The following EFTUD2 variants were observed in gnomAD, a reference collection of about 807,000 sequenced individuals.
EFTUD2 encodes the protein 116 kDa U5 small nuclear ribonucleoprotein component.
In EFTUD2, 9 loss-of-function variants were observed where a neutral mutation model predicts 114.3. The observed-to-expected ratio is 0.08, with a 90% CI of 0.05 to 0.14. EFTUD2 has a LOEUF of 0.14. EFTUD2 is among the 10% of genes least tolerant of loss of function. The pLI is 1.00. For synonymous variants in EFTUD2, 449 were observed against 462.3 expected (o/e 0.97, Z 0.37); for missense variants, 765 against 1,241.2 (o/e 0.62, Z 5.76).
chr17:44,868,214 G>C (rs1476183438), intron 12 of EFTUD2, 73 bp downstream of exon 12: 12 of 1,340,892 alleles, frequency 8.9e-6, no homozygotes, highest in Non-Finnish European at 1.2e-5. Flanking sequence ...TTTGAACTCA[G>C]AGAATTTCAC....
Position 44,862,771 on chromosome 17 carries a change from C to T in EFTUD2, c.1549G>A (p.Glu517Lys). 6.2e-7 allele frequency: 1 copy of T among 1,614,150 alleles called. No homozygotes were observed. Among genetic ancestry groups the T allele is most frequent in the Non-Finnish European group, 8.5e-7 (1 of 1,180,018 alleles). ...VKVLGENYTL[E>K]DEEDSQICTV... ...CATATCTGGGAGTCTTCCTCATCCT[C>T]CAGGGTGTAGTTCTCCCCCAGTACC... The change falls in exon 16 of 28, where the codon GAG becomes AAG. Residue 517 changes from glutamate to lysine, a missense_variant. Physicochemically the swap from Glu to Lys is moderately conservative, Grantham distance 56. This residue lies in a region of EFTUD2 where 149 missense variants were observed against 245.1 expected (regional missense o/e 0.61). Coordinates refer to ENST00000426333, the MANE Select transcript of EFTUD2 (RefSeq NM_004247.4).
rs1567739127 is a variant in EFTUD2, at chr17:44,867,901, A to C, written c.1059-4T>G. 3.8e-6 allele frequency: 6 copies of C among 1,588,504 alleles called. No individual in the cohort carries two copies. The highest frequency in any genetic ancestry group is 5.1e-6 in the Non-Finnish European group (6 of 1,166,250). On this transcript the variant is annotated splice_region_variant and splice_polypyrimidine_tract_variant and intron_variant, in intron 12 of 27. Coordinates refer to ENST00000426333, the MANE Select transcript of EFTUD2 (RefSeq NM_004247.4). Reference sequence around the variant, plus strand: ...GGCCTTTTTGGTGAACTTTCGCCTAAAAGGAAAAATAAGTTCTGAGTGACC... The same window carrying C: ...GGCCTTTTTGGTGAACTTTCGCCTACAAGGAAAAATAAGTTCTGAGTGACC...
rs1317028654 is a variant in EFTUD2, at chr17:44,876,030, T to C, written c.773A>G (p.Asn258Ser). 3.1e-6 allele frequency: 5 copies of C among 1,613,920 alleles called. No individual in the cohort carries two copies. Among genetic ancestry groups the C allele is most frequent in the Middle Eastern group, 3.3e-4 (2 of 6,050 alleles). ...CTCCAGGATCAGCCGGTCAATCTTGTTGATGCACACAGTGACTGCCAGCCT... is the reference window on the plus strand; with the variant it reads ...CTCCAGGATCAGCCGGTCAATCTTGCTGATGCACACAGTGACTGCCAGCCT... ...QERLAVTVCI[N>S]KIDRLILELK... The change falls in exon 10 of 28, where the codon AAC (asparagine) becomes AGC (serine). Residue 258 changes from asparagine (N) to serine (S), a missense_variant. Coordinates refer to ENST00000426333, the MANE Select transcript of EFTUD2 (RefSeq NM_004247.4).
chr17:44,857,026 A>T (rs775468874), intron 20 of EFTUD2, 49 bp downstream of exon 20: 2 of 1,482,328 alleles, frequency 1.3e-6, no homozygotes, highest in Admixed American at 1.7e-5. Context: ...TAAAGGAGAG[A>T]GAGTGTCCAG....
chr17:44,864,948 A>C lies in EFTUD2; in HGVS notation c.1267T>G (p.Phe423Val). ...RPLLRLVCKK[F>V]FGEFTGFVDM... is the part of the protein sequence containing the mutation. Reference sequence around the variant, plus strand: ...TTATTACCTGTGAACTCGCCAAAGAACTTTTTGCAGACCAGCCTGAGCAAG... The same window carrying C: ...TTATTACCTGTGAACTCGCCAAAGACCTTTTTGCAGACCAGCCTGAGCAAG... Residue 423 changes from phenylalanine to valine, a missense_variant, in exon 14 of 28, where the codon TTC becomes GTC. This residue lies in a region of EFTUD2 where 251 missense variants were observed against 357.7 expected (regional missense o/e 0.70). Coordinates refer to ENST00000426333, the MANE Select transcript of EFTUD2 (RefSeq NM_004247.4). 6.2e-7 allele frequency: 1 copy of C among 1,614,098 alleles called. No homozygotes were observed. Among genetic ancestry groups the C allele is most frequent in the Non-Finnish European group, 8.5e-7 (1 of 1,180,020 alleles).
chr17:44,872,377 G>C (rs774551316), intron 11 of EFTUD2, 69 bp downstream of exon 11: 1 of 1,594,538 alleles, frequency 6.3e-7, no homozygotes, highest in Non-Finnish European at 8.6e-7. Flanking sequence ...CAATTTCTGA[G>C]TCATTCAGCA....
At chr17:44,863,004 G>T in intron 15 of EFTUD2, 98 bp from the exon 16 acceptor site, 1 of 992,742 alleles carries the variant, frequency 1.0e-6, no homozygotes, top group South Asian at 1.7e-5. Context: ...TGAGCTCTAT[G>T]AGGAGCTAGA....
chr17:44,875,832 T>C (rs2050938031), intron 10 of EFTUD2, 102 bp downstream of exon 10: 1 of 1,466,880 alleles, frequency 6.8e-7, no homozygotes, highest in African/African-American at 1.4e-5. Flanking sequence ...AACAAACTCA[T>C]CAACACACGC....
At chr17:44,883,230 A>C (rs2051105121) in intron 5 of EFTUD2, 72 bp from the exon 6 acceptor site, 1 of 1,384,506 alleles carries the variant, frequency 7.2e-7, no homozygotes, top group African/African-American at 1.4e-5. Flanking sequence ...CCCAGCTCCC[A>C]ATACACCACA....
chr17:44,888,833 C>T (rs570297958), intron 2 of EFTUD2, among the ~76,000 whole-genome samples: 1 of 152,288 alleles, frequency 6.6e-6, no homozygotes, highest in South Asian at 2.1e-4. Context: ...GCTTGAGATT[C>T]CCTGTTAGAC....
intron 9 of EFTUD2, 111 bp from the exon 10 acceptor site, chr17:44,876,211 G>T (rs2050946157): frequency 7.7e-7 from 1 of 1,291,840 alleles, no homozygotes; most frequent in Non-Finnish European, 1.0e-6. Flanking sequence ...GAGAAAAAAA[G>T]ACCTCGGGAA....
chr17:44,857,687 G>A (rs78206509), intron 19 of EFTUD2: 11,433 of 157,844 alleles, frequency 0.072, 442 homozygotes, highest in Admixed American at 0.089. Context: ...TCCTCCACAG[G>A]GCCTTGGAGA....
Position 44,850,740 on chromosome 17 carries a change from G to A in EFTUD2, c.*534C>T, listed in dbSNP as rs976837385. 15 of 243,346 alleles carry A rather than the reference G, an allele frequency of 6.2e-5. No homozygotes were observed. The highest frequency in any genetic ancestry group is 3.3e-4 in the South Asian group (4 of 12,144). 15.1% of individuals were successfully genotyped at this position (243,346 alleles called of 1,614,324 possible). A position where few individuals can be genotyped will look rare whatever the true frequency, so the allele number is the denominator to read the frequency against. On this transcript the variant is annotated 3_prime_UTR_variant, in exon 28 of 28. Transcript: ENST00000426333. ...AAGGGGGCAATAATGGGGCCTTGGC[G>A]CTCATGGGAACACTGAATTAAAAGG...
intron 1 of EFTUD2, among the ~76,000 whole-genome samples, chr17:44,896,260 C>G (rs1474254941): frequency 1.3e-5 from 2 of 152,168 alleles, no homozygotes; most frequent in Non-Finnish European, 2.9e-5. Flanking sequence ...CAAATGCCAC[C>G]ACCTCCTTCA....
chr17:44,870,783 G>A (rs1307622128), intron 11 of EFTUD2, among the ~76,000 whole-genome samples: 1 of 152,124 alleles, frequency 6.6e-6, no homozygotes, highest in Non-Finnish European at 1.5e-5. Flanking sequence ...ACTTTGAGAG[G>A]CCGAGGTGGG....
Position 44,851,373 on chromosome 17 carries a change from C to T in EFTUD2, c.2824-4G>A. The T allele has an allele frequency of 1.9e-6, 3 of 1,611,982 alleles. No homozygotes were observed. The highest frequency in any genetic ancestry group is 2.5e-6 in the Non-Finnish European group (3 of 1,178,554). On this transcript the variant is annotated splice_polypyrimidine_tract_variant and splice_region_variant and intron_variant, in intron 27 of 27. Transcript: ENST00000426333. ...TGCTCACATCTTCACTGAGGCCCTG[C>T]AGGGAATGGGGCAAATATAAGAAAG...
chr17:44,889,452 T>C (rs1380638251), intron 2 of EFTUD2, among the ~76,000 whole-genome samples: 1 of 152,098 alleles, frequency 6.6e-6, no homozygotes, highest in Non-Finnish European at 1.5e-5. Flanking sequence ...TGTATGCTGA[T>C]GGGGATGATC....
At position 44,881,926 on chromosome 17, in the gene EFTUD2, A is replaced by G. The variant is rs905520137; in HGVS notation, c.493-204T>C. On this transcript the variant is annotated intron_variant, in intron 6 of 27. Coordinates refer to ENST00000426333, the MANE Select transcript of EFTUD2 (RefSeq NM_004247.4). ...GAAATGCTCCTGGGTGTGTGGAGGG[A>G]TTTTTTTATTTTTACTTTTTTGGAG... The G allele has an allele frequency of 5.5e-6, 3 of 541,382 alleles. No homozygotes were observed. The African/African-American group carries it at 5.8e-5, about 11-fold the overall frequency. 33.5% of individuals were successfully genotyped at this position (541,382 alleles called of 1,614,324 possible). A position where few individuals can be genotyped will look rare whatever the true frequency, so the allele number is the denominator to read the frequency against.
rs369476889 is a variant in EFTUD2 at position 44,854,228 on chromosome 17, G to A, written c.2347+41C>T. On this transcript the variant is annotated intron_variant, in intron 23 of 27. Transcript: ENST00000426333. The surrounding 1 kb of genome is among the most constrained non-coding windows in gnomAD (Gnocchi z 4.3). ...TCCCACTCATATGCCTGGCTGCAAG[G>A]ACCCTCGAGGACTGGGGTGGGGGAG... The A allele has an allele frequency of 1.6e-3, 2,454 of 1,567,754 alleles. 46 individuals are homozygous for A. The South Asian group carries it at 0.027, about 17-fold the overall frequency.
Sources: allele counts gnomAD v4.1 joint callset (sites outside exome capture counted in the v4.1 genomes callset), GRCh38; gene constraint gnomAD v4.1.1; regional missense constraint gnomAD v4.1.1; non-coding constraint Gnocchi (gnomAD v3.1); transcripts MANE v1.5; gene names NCBI Gene and HGNC (gene_info 2026-07-23, HGNC 2026-07-21).